The following PRF1 variants were observed in gnomAD, a reference collection of about 807,000 sequenced individuals.
PRF1 encodes the protein perforin 1.
In PRF1, 11 loss-of-function variants were observed where a neutral mutation model predicts 11.7. The ratio of observed to expected loss-of-function variants is 0.94; its 90% CI spans 0.59 to 1.56. PRF1 has a LOEUF of 1.56. PRF1 is among the 40% of genes most tolerant of loss of function. The pLI is 0.00. For missense variants in PRF1, 729 were observed against 751.0 expected (o/e 0.97, Z 0.34); for synonymous variants, 314 against 327.8 (o/e 0.96, Z 0.45).
At position 70,600,472 on chromosome 10, in the gene PRF1, T is replaced by C. The variant is rs765636779; in HGVS notation, c.431A>G (p.His144Arg). The C allele has an allele frequency of 1.1e-5, 17 of 1,614,076 alleles. No individual in the cohort carries two copies. The highest frequency in any genetic ancestry group is 1.7e-5 in the Admixed American group (1 of 59,998). ...TGAGTGTGAGCCGGCCACAGACACA[T>C]GCACATTGCTGGTGGGCTTAGGAGT... ...DVTPKPTSNVHVSVAGSHSQA... is the reference protein window; with the variant it reads ...DVTPKPTSNVRVSVAGSHSQA... The change falls in exon 2 of 3, where the codon CAT (histidine) becomes CGT (arginine). Residue 144 changes from histidine (H) to arginine (R), a missense_variant. By Grantham distance (29) the His-to-Arg change is conservative (BLOSUM62 0). Transcript: ENST00000441259. This position sits in a 1 kb window ranked among gnomAD's most constrained non-coding sequence, Gnocchi z 4.9.
In PRF1 at chr10:70,599,169, T is replaced by C. The variant is rs755282048; in HGVS notation, c.552A>G (p.Val184=). The change falls in exon 3 of 3, where the codon GTA becomes GTG. Residue 184 remains valine (V), a synonymous_variant. Transcript: ENST00000441259. The part of the protein sequence containing the change: ...VECRFYSFHV[V]HTPPLHPDFK... Reference sequence around the variant, plus strand: ...AGTCAGGGTGCAGCGGGGGAGTGTGTACCACATGGAAACTGCGAGAAGAGA... The same window carrying C: ...AGTCAGGGTGCAGCGGGGGAGTGTGCACCACATGGAAACTGCGAGAAGAGA... 3.1e-6 allele frequency: 5 copies of C among 1,614,138 alleles called. No individual in the cohort carries two copies. In the South Asian group the frequency reaches 5.5e-5, roughly 18 times the overall value.
rs1848231215 is a variant in PRF1, at chr10:70,601,634, G to T, written c.-30-702C>A. 1.3e-5 allele frequency among the ~76,000 whole-genome samples: 2 copies of T among 151,822 alleles called. 1 individual carries two copies. Among genetic ancestry groups the T allele is most frequent in the South Asian group, 4.2e-4 (2 of 4,796 alleles). On this transcript the variant is annotated intron_variant, in intron 1 of 2. Coordinates refer to ENST00000441259, the MANE Select transcript of PRF1 (RefSeq NM_001083116.3). ...ACTGGAGGTCAGAAGTTCGAGACCA[G>T]CCTGGCCAACGTGGTGAAACCCCCT...
chr10:70,599,595 T>A (rs1349272049), intron 2 of PRF1, among the ~76,000 whole-genome samples: 1 of 151,780 alleles, frequency 6.6e-6, no homozygotes, highest in Non-Finnish European at 1.5e-5. Context: ...ATTTTTTTTT[T>A]AAGAAAAAGT....
Position 70,597,755 on chromosome 10 carries a change from A to G in PRF1, c.*298T>C, listed in dbSNP as rs1848144889. ...TTTTCCATCTGTCTGATGCGTATCCAATCTTTTGGCTTCTCTGGGCCACGT... is the reference window on the plus strand; with the variant it reads ...TTTTCCATCTGTCTGATGCGTATCCGATCTTTTGGCTTCTCTGGGCCACGT... On this transcript the variant is annotated 3_prime_UTR_variant, in exon 3 of 3. Coordinates refer to ENST00000441259, the MANE Select transcript of PRF1 (RefSeq NM_001083116.3). 8.3e-6 allele frequency: 5 copies of G among 601,980 alleles called. No homozygotes were observed. The highest frequency in any genetic ancestry group is 1.5e-5 in the Non-Finnish European group (5 of 340,254). 37.3% of individuals were successfully genotyped at this position (601,980 alleles called of 1,614,324 possible). A position where few individuals can be genotyped will look rare whatever the true frequency, so the allele number is the denominator to read the frequency against.
In PRF1 at chr10:70,600,216, C is replaced by A. The variant is rs1276986673; in HGVS notation, c.539+148G>T. The A allele has an allele frequency of 2.1e-6, 3 of 1,452,272 alleles. No individual in the cohort carries two copies. The East Asian group carries it at 7.4e-5, about 36-fold the overall frequency. 90.0% of individuals were successfully genotyped at this position (1,452,272 alleles called of 1,614,324 possible). On this transcript the variant is annotated intron_variant, in intron 2 of 2. Transcript: ENST00000441259. The surrounding 1 kb of genome is among the most constrained non-coding windows in gnomAD (Gnocchi z 4.9). ...GAGAGGAGGCCACAGGGCTGAATCA[C>A]CTGAAGTCTGAGAGCCAGGATTGCA...
Position 70,598,817 on chromosome 10 carries a change from C to T in PRF1, c.904G>A (p.Glu302Lys), listed in dbSNP as rs1848174771. 4.3e-6 allele frequency: 7 copies of T among 1,614,238 alleles called. No individual in the cohort carries two copies. Among genetic ancestry groups the T allele is most frequent in the Non-Finnish European group, 5.9e-6 (7 of 1,180,034 alleles). ...GAGGTGTGATGGCCGCCAACCACTT[C>T]CGAGTGGCGCTCCCGGTAGGTTTGG... is the stretch of plus-strand genomic sequence containing the variant. The part of the protein sequence containing the change: ...FHQTYRERHS[E>K]VVGGHHTSIN... The change falls in exon 3 of 3, where the codon GAA (glutamate) becomes AAA (lysine). Residue 302 changes from glutamate (E) to lysine (K), a missense_variant. By Grantham distance (56) the Glu-to-Lys change is moderately conservative. Coordinates refer to ENST00000441259, the MANE Select transcript of PRF1 (RefSeq NM_001083116.3).
chr10:70,598,574 G>A lies in PRF1; in HGVS notation c.1147C>T (p.Pro383Ser). ...TCTCGGGGGCTCTTCTGCCGCCCTG[G>A]TGGGCACGGCCGGCTGCAGTCCCTC... ...RWRDCSRPCP[P>S]GRQKSPRDPC... Residue 383 changes from proline to serine, a missense_variant, in exon 3 of 3, where the codon CCA becomes TCA. Transcript: ENST00000441259. 6.2e-7 allele frequency: 1 copy of A among 1,612,670 alleles called. No homozygotes were observed. The highest frequency in any genetic ancestry group is 8.5e-7 in the Non-Finnish European group (1 of 1,179,794).
rs1848204643 is a variant in PRF1 at position 70,600,415 on chromosome 10, TG to T, written c.487del (p.His163ThrfsTer96). 1 of 1,614,146 alleles carries T rather than the reference TG, an allele frequency of 6.2e-7. No individual in the cohort carries two copies. Among genetic ancestry groups the T allele is most frequent in the Non-Finnish European group, 8.5e-7 (1 of 1,180,016 alleles). ...AGTGCTGAAGCTGTACTGGTCCTGG[TG>T]GGTCTTCTGGGCTGCAAAGTTGGCT... is the stretch of plus-strand genomic sequence containing the variant. ...QAANFAAQKT[H>X]QDQYSFSTDT... On this transcript the variant is annotated frameshift_variant, in exon 2 of 3. Transcript: ENST00000441259. LOFTEE classifies it high-confidence loss of function. The surrounding 1 kb of genome is among the most constrained non-coding windows in gnomAD (Gnocchi z 4.9).
rs751467331 is a variant in PRF1 at position 70,600,798 on chromosome 10, G to T, written c.105C>A (p.His35Gln). 4 of 1,611,098 alleles carry T rather than the reference G, an allele frequency of 2.5e-6. No individual in the cohort carries two copies. The East Asian group carries it at 8.9e-5, about 36-fold the overall frequency. ...TAARSECKRS[H>Q]KFVPGAWLAG... ...CCAGCCATGCACCAGGCACGAACTT[G>T]TGGCTGCGCTTGCACTCTGAGCGTG... Residue 35 changes from histidine (H) to glutamine (Q), a missense_variant, in exon 2 of 3, where the codon CAC becomes CAA. By Grantham distance (24) the His-to-Gln change is conservative. Transcript: ENST00000441259. This position sits in a 1 kb window ranked among gnomAD's most constrained non-coding sequence, Gnocchi z 4.9.
Position 70,600,537 on chromosome 10 carries a change from A to T in PRF1, c.366T>A (p.Ala122=). The T allele has an allele frequency of 6.2e-7, 1 of 1,614,090 alleles. No homozygotes were observed. ...SSTEAVARDA[A]RSIRNDWKVG... ...CCTTCCAGTCGTTGCGGATGCTACG[A>T]GCCGCATCCCGGGCCACAGCTTCAG... The change falls in exon 2 of 3, where the codon GCT becomes GCA. Residue 122 remains alanine, a synonymous_variant. Coordinates refer to ENST00000441259, the MANE Select transcript of PRF1 (RefSeq NM_001083116.3). The surrounding 1 kb of genome is among the most constrained non-coding windows in gnomAD (Gnocchi z 4.9).
At chr10:70,602,252 G>A (rs969330543) in intron 1 of PRF1, among the ~76,000 whole-genome samples, 2 of 152,134 alleles carry the variant, frequency 1.3e-5, no homozygotes, top group African/African-American at 2.4e-5. Context: ...TTCAGGCAGC[G>A]TGGCTCGCCC....
In PRF1 at chr10:70,599,002, C is replaced by T. The variant is rs751390468; in HGVS notation, c.719G>A (p.Arg240His). 22 of 1,614,048 alleles carry T rather than the reference C, an allele frequency of 1.4e-5. No individual in the cohort carries two copies. The highest frequency in any genetic ancestry group is 2.7e-5 in the African/African-American group (2 of 74,930). The change falls in exon 3 of 3, where the codon CGC (arginine) becomes CAC (histidine). Residue 240 changes from arginine to histidine, a missense_variant. Coordinates refer to ENST00000441259, the MANE Select transcript of PRF1 (RefSeq NM_001083116.3). ...CCCTTCCAGGGCCAGCTCGCAGGTG[C>T]GCAGGGCAGTGAGGGCCGATATGCG... ...GGRISALTALRTCELALEGLT... is the reference protein window; with the variant it reads ...GGRISALTALHTCELALEGLT...
At chr10:70,599,936 T>C (rs1225583597) in intron 2 of PRF1, among the ~76,000 whole-genome samples, 1 of 152,050 alleles carries the variant, frequency 6.6e-6, no homozygotes, top group Non-Finnish European at 1.5e-5. Flanking sequence ...ATTGGTTGAG[T>C]GGATGATTGA....
rs1393179882 is a variant in PRF1 at position 70,598,090 on chromosome 10, C to G, written c.1631G>C (p.Gly544Ala). 1 of 1,613,916 alleles carries G rather than the reference C, an allele frequency of 6.2e-7. No homozygotes were observed. The highest frequency in any genetic ancestry group is 8.5e-7 in the Non-Finnish European group (1 of 1,180,044). The stretch of plus-strand genomic sequence containing the variant: ...CCCACTCCGGTTTCCTGGAGGCTCC[C>G]CCAGAAGCATTTGGGGGACATAGTC... ...CLDYVPQMLL[G>A]EPPGNRSGAV... The change falls in exon 3 of 3, where the codon GGG (glycine) becomes GCG (alanine). Residue 544 changes from glycine to alanine, a missense_variant. Physicochemically the swap from Gly to Ala is moderately conservative, Grantham distance 60. Coordinates refer to ENST00000441259, the MANE Select transcript of PRF1 (RefSeq NM_001083116.3).
At position 70,598,208 on chromosome 10, in the gene PRF1, A is replaced by T; in HGVS notation, c.1513T>A (p.Ser505Thr). ...TTCAGGTTGCATCTCACCTCATGGG[A>T]ACCAGACTTGGGAGCCTGATCACAG... is the stretch of plus-strand genomic sequence containing the variant. Reference protein sequence around the residue: ...GTCDQAPKSGSHEVRCNLNHG... With the variant: ...GTCDQAPKSGTHEVRCNLNHG... The change falls in exon 3 of 3, where the codon TCC becomes ACC. Residue 505 changes from serine to threonine, a missense_variant. Ser to Thr is a moderately conservative substitution (Grantham distance 58). Coordinates refer to ENST00000441259, the MANE Select transcript of PRF1 (RefSeq NM_001083116.3). 6.2e-7 allele frequency: 1 copy of T among 1,614,136 alleles called. No homozygotes were observed. The highest frequency in any genetic ancestry group is 8.5e-7 in the Non-Finnish European group (1 of 1,180,012).
rs140281371 is a variant in PRF1 at position 70,599,047 on chromosome 10, C to T, written c.674G>A (p.Arg225Gln). Residue 225 changes from arginine to glutamine, a missense_variant, in exon 3 of 3, where the codon CGG becomes CAG. Physicochemically the swap from Arg to Gln is conservative, Grantham distance 43. Coordinates refer to ENST00000441259, the MANE Select transcript of PRF1 (RefSeq NM_001083116.3). ...TATGCGGCCACCCAGCTCCACAGCC[C>T]GGATGAAGTGGGTGCCGTAGTTGGA... ...LISNYGTHFI[R>Q]AVELGGRISA... 266 of 1,613,332 alleles carry T rather than the reference C, an allele frequency of 1.6e-4. No homozygotes were observed. Among genetic ancestry groups the T allele is most frequent in the Non-Finnish European group, 2.1e-4 (246 of 1,179,546 alleles).
chr10:70,600,956 T>G lies in PRF1; in HGVS notation c.-30-24A>C. ...CTCTGGGAAGCCATGGGTGGAGGGA[T>G]GGAGGATGACTGCTCCCTTCCCCCA... On this transcript the variant is annotated intron_variant, in intron 1 of 2. Coordinates refer to ENST00000441259, the MANE Select transcript of PRF1 (RefSeq NM_001083116.3). The surrounding 1 kb of genome is among the most constrained non-coding windows in gnomAD (Gnocchi z 4.9). 1 of 1,544,980 alleles carries G rather than the reference T, an allele frequency of 6.5e-7. No individual in the cohort carries two copies.
At chr10:70,599,265 T>C in intron 2 of PRF1, 84 bp from the exon 3 acceptor site, 1 of 1,534,550 alleles carries the variant, frequency 6.5e-7, no homozygotes. Context: ...CTGCTCAAGG[T>C]CACATGTAAG....
rs773267292 is a variant in PRF1 at position 70,600,454 on chromosome 10, G to T, written c.449C>A (p.Ser150Ter). Residue 150 changes from serine (S) to a stop codon, truncating the protein, a stop_gained, in exon 2 of 3, where the codon TCA becomes TAA. Transcript: ENST00000441259. LOFTEE classifies it high-confidence loss of function. The surrounding 1 kb of genome is among the most constrained non-coding windows in gnomAD (Gnocchi z 4.9). ...TGCAAAGTTGGCTGCCTGTGAGTGTGAGCCGGCCACAGACACATGCACATT... is the reference window on the plus strand; with the variant it reads ...TGCAAAGTTGGCTGCCTGTGAGTGTTAGCCGGCCACAGACACATGCACATT... ...TSNVHVSVAG[S>*]HSQAANFAAQ... The T allele has an allele frequency of 4.3e-6, 7 of 1,614,224 alleles. No homozygotes were observed. Among genetic ancestry groups the T allele is most frequent in the Non-Finnish European group, 1.7e-6 (2 of 1,180,036 alleles).
Sources: allele counts gnomAD v4.1 joint callset (sites outside exome capture counted in the v4.1 genomes callset), GRCh38; gene constraint gnomAD v4.1.1; non-coding constraint Gnocchi (gnomAD v3.1); transcripts MANE v1.5; gene names NCBI Gene and HGNC (gene_info 2026-07-23, HGNC 2026-07-21).